Variants in PPP2R2B observed in about 807,000 individuals in gnomAD.
PPP2R2B encodes the protein serine/threonine-protein phosphatase 2A 55 kDa regulatory subunit B beta isoform.
In PPP2R2B, 5 loss-of-function variants were observed where a neutral mutation model predicts 46.0. The observed-to-expected ratio is 0.11, with a 90% CI of 0.06 to 0.23. The LOEUF (loss-of-function observed/expected upper bound fraction) is 0.23. Among genes scored for constraint, PPP2R2B ranks in the 10% least tolerant of loss-of-function variants. The pLI is 1.00. For missense variants in PPP2R2B, 367 were observed against 575.0 expected, an observed-to-expected ratio of 0.64 and a Z score of 3.70; for synonymous variants, 215 against 206.7, an observed-to-expected ratio of 1.04 and a Z score of -0.34.
intron 1 of PPP2R2B, among the ~76,000 whole-genome samples, chr5:147,031,684 C>G (rs1182746693): frequency 6.6e-6 from 1 of 151,924 alleles, no homozygotes; most frequent in Non-Finnish European, 1.5e-5. Context: ...TATTTTCTAT[C>G]CTTTATACTT....
rs375376283 is a variant in PPP2R2B at position 146,600,314 on chromosome 5, T to C, written c.937A>G (p.Asn313Asp). Residue 313 changes from asparagine to aspartate, a missense_variant, in exon 8 of 10, where the codon AAC (asparagine) becomes GAC (aspartate). Transcript: ENST00000394411. ...TVKVWDLNMENRPIETYQVHD... is the reference protein window; with the variant it reads ...TVKVWDLNMEDRPIETYQVHD... ...ACCTGGTAAGTCTCGATGGGGCGGTTTTCCATGTTGAGATCCCAGACTTTG... is the reference window on the plus strand; with the variant it reads ...ACCTGGTAAGTCTCGATGGGGCGGTCTTCCATGTTGAGATCCCAGACTTTG... The C allele has an allele frequency of 2.0e-4, 321 of 1,613,682 alleles. No homozygotes were observed. The highest frequency in any genetic ancestry group is 2.6e-4 in the Non-Finnish European group (304 of 1,179,836).
intron 2 of PPP2R2B, among the ~76,000 whole-genome samples, chr5:146,877,221 A>C (rs1761946275): frequency 6.6e-6 from 1 of 152,174 alleles, no homozygotes; most frequent in African/African-American, 2.4e-5. Context: ...CCCGCACAGC[A>C]CTAGTGCTTA....
At chr5:146,782,325 T>C (rs747021595) in intron 2 of PPP2R2B, among the ~76,000 whole-genome samples, 4 of 152,238 alleles carry the variant, frequency 2.6e-5, no homozygotes, top group Non-Finnish European at 4.4e-5. Flanking sequence ...GATCTTAACA[T>C]GTTGTTTCAA....
intron 2 of PPP2R2B, among the ~76,000 whole-genome samples, chr5:146,863,622 A>C (rs1251296862): frequency 6.6e-6 from 1 of 151,340 alleles, no homozygotes; most frequent in Non-Finnish European, 1.5e-5. Context: ...TTATCCATTC[A>C]ACTGCCCATC....
At chr5:146,758,455 A>G (rs1172990214) in intron 2 of PPP2R2B, among the ~76,000 whole-genome samples, 1 of 152,218 alleles carries the variant, frequency 6.6e-6, no homozygotes, top group Non-Finnish European at 1.5e-5. Flanking sequence ...TTATTAAATT[A>G]ATAAAATACA....
intron 1 of PPP2R2B, among the ~76,000 whole-genome samples, chr5:147,042,175 C>T (rs1404313137): frequency 1.1e-4 from 17 of 152,114 alleles, no homozygotes; most frequent in African/African-American, 3.6e-4. Context: ...ACCATTTATC[C>T]TTTTAACTTT....
chr5:147,037,407 T>C (rs1340709494), intron 1 of PPP2R2B, among the ~76,000 whole-genome samples: 1 of 151,950 alleles, frequency 6.6e-6, no homozygotes, highest in Non-Finnish European at 1.5e-5. Flanking sequence ...AAGGGGTGTG[T>C]GTGTGTGTGT....
chr5:146,765,802 G>T lies in PPP2R2B; in HGVS notation c.71-64660C>A, dbSNP rs538172884. On this transcript the variant is annotated intron_variant, in intron 2 of 9. Transcript: ENST00000394411. ...ATAGGAGCTTTTGGATTTAGACAAAGAAACCCATTAGTTTTCTCAAACAGC... is the reference window on the plus strand; with the variant it reads ...ATAGGAGCTTTTGGATTTAGACAAATAAACCCATTAGTTTTCTCAAACAGC... Among the ~76,000 whole-genome samples, 3 of 152,302 alleles carry T rather than the reference G, an allele frequency of 2.0e-5. No homozygotes were observed. In the South Asian group the frequency reaches 6.2e-4, roughly 32 times the overall value.
intron 2 of PPP2R2B, among the ~76,000 whole-genome samples, chr5:147,073,167 A>C (rs1326333967): frequency 6.6e-6 from 1 of 152,228 alleles, no homozygotes; most frequent in Non-Finnish European, 1.5e-5. Flanking sequence ...ACACATTTAA[A>C]GTGATTGGCA....
intron 4 of PPP2R2B, among the ~76,000 whole-genome samples, chr5:146,692,847 T>G (rs528147669): frequency 6.6e-6 from 1 of 152,072 alleles, no homozygotes. Context: ...TTCAATTATT[T>G]AAGGAGACAA....
chr5:146,978,631 T>G (rs1753025459), intron 1 of PPP2R2B, among the ~76,000 whole-genome samples: 1 of 152,220 alleles, frequency 6.6e-6, no homozygotes, highest in Non-Finnish European at 1.5e-5. Context: ...TAGGGAATCC[T>G]TTCCCCATTT....
chr5:147,071,088 T>A (rs933098967), intron 2 of PPP2R2B, among the ~76,000 whole-genome samples: 3 of 147,076 alleles, frequency 2.0e-5, no homozygotes, highest in East Asian at 2.0e-4. Context: ...TTCCTTTATT[T>A]AAAAAAAAAA....
intron 2 of PPP2R2B, among the ~76,000 whole-genome samples, chr5:146,849,262 T>C (rs188494794): frequency 6.6e-6 from 1 of 152,222 alleles, no homozygotes; most frequent in Non-Finnish European, 1.5e-5. Context: ...TATAACCCTA[T>C]GTATATCTAC....
intron 5 of PPP2R2B, among the ~76,000 whole-genome samples, chr5:146,684,122 C>T (rs1360322200): frequency 2.0e-5 from 3 of 151,998 alleles, no homozygotes; most frequent in East Asian, 1.9e-4. Context: ...TAGCTAAACA[C>T]GCCATTGTTA....
At chr5:146,935,315 A>G (rs962716495) in intron 1 of PPP2R2B, among the ~76,000 whole-genome samples, 1 of 152,206 alleles carries the variant, frequency 6.6e-6, no homozygotes, top group African/African-American at 2.4e-5. Context: ...ATGAGCCAGA[A>G]CACAGGCCCT....
intron 1 of PPP2R2B, among the ~76,000 whole-genome samples, chr5:146,967,839 A>G (rs1254115835): frequency 1.3e-5 from 2 of 152,136 alleles, no homozygotes; most frequent in African/African-American, 4.8e-5. Flanking sequence ...CTAGGGGTAC[A>G]TGGGCCAAAA....
chr5:147,042,011 C>A (rs1455116537), intron 1 of PPP2R2B, among the ~76,000 whole-genome samples: 2 of 152,100 alleles, frequency 1.3e-5, no homozygotes, highest in Non-Finnish European at 2.9e-5. Context: ...TGACTCCCAG[C>A]ACATCCAAGA....
chr5:146,974,323 G>C (rs1752796127), intron 1 of PPP2R2B, among the ~76,000 whole-genome samples: 1 of 152,156 alleles, frequency 6.6e-6, no homozygotes, highest in Non-Finnish European at 1.5e-5. Flanking sequence ...TTTAAAACCA[G>C]CCATGAGGCA....
chr5:146,894,355 A>G (rs1762580538), intron 1 of PPP2R2B, among the ~76,000 whole-genome samples: 1 of 152,202 alleles, frequency 6.6e-6, no homozygotes, highest in Non-Finnish European at 1.5e-5. Flanking sequence ...GTTATTAATT[A>G]GGATCTCATA....
Sources: gnomAD v4.1 joint callset for allele counts (sites outside exome capture counted in the v4.1 genomes callset) on GRCh38, gnomAD v4.1.1 for gene constraint, MANE v1.5 for transcripts, NCBI Gene and HGNC (gene_info 2026-07-23, HGNC 2026-07-21) for gene names.